The following DNAL1 variants were observed in gnomAD, a reference collection of about 807,000 sequenced individuals.
The protein encoded by DNAL1 is chromosome 14 open reading frame 168.
Under a neutral mutation model 29.4 loss-of-function variants are expected in DNAL1, and 17 were observed. That is an observed-to-expected ratio of 0.58 (90% confidence interval 0.40 to 0.87). The LOEUF (loss-of-function observed/expected upper bound fraction) is 0.87. DNAL1 is among the 40% of genes least tolerant of loss of function. DNAL1 has a pLI of 0.00. For synonymous variants in DNAL1, 78 were observed against 76.3 expected (o/e 1.02, Z -0.12); for missense variants, 188 against 214.1 (o/e 0.88, Z 0.76).
chr14:73,677,650 G>T (rs987401666), intron 5 of DNAL1, among the ~76,000 whole-genome samples: 3 of 149,960 alleles, frequency 2.0e-5, no homozygotes, highest in Non-Finnish European at 3.0e-5. Flanking sequence ...TCCGCCTCCC[G>T]GGTTCCCGCC....
In DNAL1 at chr14:73,675,211, A is replaced by AACAC. The variant is rs141910596; in HGVS notation, c.264+3632_264+3635dup. Among the ~76,000 whole-genome samples, 8 of 147,250 alleles carry AACAC rather than the reference A, an allele frequency of 5.4e-5. 1 individual carries two copies. The highest frequency in any genetic ancestry group is 4.3e-4 in the South Asian group (2 of 4,632). The stretch of plus-strand genomic sequence containing the variant: ...TCTCTCTCTCTCTCTCTCACACACA[A>AACAC]ACACACACACACACACACACAAATC... On this transcript the variant is annotated intron_variant, in intron 5 of 7. Transcript: ENST00000553645.
chr14:73,651,110 A>G (rs1891104236), intron 1 of DNAL1: 1 of 152,112 alleles, frequency 6.6e-6, no homozygotes, highest in Non-Finnish European at 1.5e-5. Flanking sequence ...GGTTCAATAA[A>G]CACCATTGGC....
chr14:73,679,733 G>A (rs1219040663), intron 5 of DNAL1, among the ~76,000 whole-genome samples: 2 of 151,874 alleles, frequency 1.3e-5, no homozygotes, highest in Non-Finnish European at 2.9e-5. Flanking sequence ...AATCTTTATG[G>A]TTTCAGTGTT....
rs1364370736 is a variant in DNAL1, at chr14:73,690,450, C to T, written c.532+935C>T. 4.6e-5 allele frequency among the ~76,000 whole-genome samples: 7 copies of T among 151,924 alleles called. No individual in the cohort carries two copies. In the South Asian group the frequency reaches 6.2e-4, roughly 14 times the overall value. ...GGCAGATCACCTGAGGTTGGGAGTTCGAGACCAGCCTGACCAACATGGAGA... is the reference window on the plus strand; with the variant it reads ...GGCAGATCACCTGAGGTTGGGAGTTTGAGACCAGCCTGACCAACATGGAGA... On this transcript the variant is annotated intron_variant, in intron 7 of 7. Coordinates refer to ENST00000553645, the MANE Select transcript of DNAL1 (RefSeq NM_031427.4).
chr14:73,671,089 A>C (rs8011667), intron 4 of DNAL1, among the ~76,000 whole-genome samples: 125,913 of 152,106 alleles, frequency 0.83, 52,900 homozygotes, highest in African/African-American at 0.96. Flanking sequence ...AACTTGAAAG[A>C]AAATGATTTT....
chr14:73,689,111 G>A (rs1892099107), intron 6 of DNAL1, among the ~76,000 whole-genome samples: 1 of 132,478 alleles, frequency 7.5e-6, no homozygotes, highest in African/African-American at 2.9e-5. Context: ...TCTGCTCACT[G>A]CAACCTCCGT....
chr14:73,646,178 G>T (rs1024867053), intron 1 of DNAL1, among the ~76,000 whole-genome samples: 1 of 152,198 alleles, frequency 6.6e-6, no homozygotes, highest in Non-Finnish European at 1.5e-5. Flanking sequence ...GGTGAAGAAA[G>T]GCTCAGACCT....
At chr14:73,653,033 T>C (rs1055222660) in intron 1 of DNAL1, 1 of 152,148 alleles carries the variant, frequency 6.6e-6, no homozygotes, top group Non-Finnish European at 1.5e-5. Context: ...CATCCTTAGG[T>C]ATAGAAGGAA....
chr14:73,671,490 A>G, intron 4 of DNAL1, 52 bp from the exon 5 acceptor site: 1 of 1,372,972 alleles, frequency 7.3e-7, no homozygotes, highest in Non-Finnish European at 9.6e-7. Flanking sequence ...GATTTACAAC[A>G]ATTGTGTAAT....
chr14:73,689,441 AAG>A lies in DNAL1; in HGVS notation c.462_463del (p.Lys155ThrfsTer4). On this transcript the variant is annotated frameshift_variant, in exon 7 of 8. Coordinates refer to ENST00000553645, the MANE Select transcript of DNAL1 (RefSeq NM_031427.4). LOFTEE classifies it high-confidence loss of function. ...CTGGTGTTTGTAGGCAATCCCTTGG[AAG>A]AGAAACATTCTGCTGAGAATAACTG... 1 of 1,563,142 alleles carries A rather than the reference AAG, an allele frequency of 6.4e-7. No individual in the cohort carries two copies. Among genetic ancestry groups the A allele is most frequent in the Non-Finnish European group, 8.7e-7 (1 of 1,153,378 alleles).
At chr14:73,669,379 C>T (rs1309947720) in intron 4 of DNAL1, among the ~76,000 whole-genome samples, 2 of 151,980 alleles carry the variant, frequency 1.3e-5, no homozygotes, top group Non-Finnish European at 2.9e-5. Flanking sequence ...CGGGTTCAAG[C>T]GATTCTCCTG....
chr14:73,683,718 C>T (rs942193649), intron 5 of DNAL1, among the ~76,000 whole-genome samples: 1 of 136,716 alleles, frequency 7.3e-6, no homozygotes, highest in African/African-American at 2.9e-5. Context: ...TATTATTATT[C>T]TTTTGAGAAT....
At chr14:73,646,046 G>A (rs1481174565) in intron 1 of DNAL1, among the ~76,000 whole-genome samples, 1 of 152,186 alleles carries the variant, frequency 6.6e-6, no homozygotes, top group East Asian at 1.9e-4. Context: ...CCCTCAACAA[G>A]ATGAAATACC....
At chr14:73,660,678 T>C (rs1474295958) in intron 3 of DNAL1, among the ~76,000 whole-genome samples, 1 of 152,218 alleles carries the variant, frequency 6.6e-6, no homozygotes, top group African/African-American at 2.4e-5. Flanking sequence ...TGTACGCAGC[T>C]TGTTCTTTGT....
At chr14:73,681,387 G>A (rs563803660) in intron 5 of DNAL1, among the ~76,000 whole-genome samples, 189 of 150,798 alleles carry the variant, frequency 1.3e-3, no homozygotes, top group Non-Finnish European at 2.2e-3. Context: ...CACCCGATTC[G>A]GCCTCCCAAA....
rs2077652035 is a variant in DNAL1 at position 73,697,968 on chromosome 14, A to T, written c.*2026A>T. ...CTGAGAGGGAAGATGATCTTCTTAA[A>T]GTTTGCACTTCCTTCAGTAGGCAAG... On this transcript the variant is annotated 3_prime_UTR_variant, in exon 8 of 8. Transcript: ENST00000553645. 1 of 152,194 alleles carries T rather than the reference A, an allele frequency of 6.6e-6. No homozygotes were observed. The highest frequency in any genetic ancestry group is 1.5e-5 in the Non-Finnish European group (1 of 68,040). 9.4% of individuals were successfully genotyped at this position (152,194 alleles called of 1,614,324 possible).
At position 73,702,691 on chromosome 14, in the gene DNAL1, C is replaced by T. The variant is rs1892465559; in HGVS notation, c.*6749C>T. 6.6e-6 allele frequency: 1 copy of T among 152,190 alleles called. No homozygotes were observed. Among genetic ancestry groups the T allele is most frequent in the East Asian group, 1.9e-4 (1 of 5,202 alleles). The allele number at this position is 152,190 out of a possible 1,614,324, so 9.4% of individuals were successfully genotyped here. A position where few individuals can be genotyped will look rare whatever the true frequency, so the allele number is the denominator to read the frequency against. The stretch of plus-strand genomic sequence containing the variant: ...AGGAATCACCAAGCAATATCCGTAA[C>T]ATTACACATTTTGCCAGCACATTTT... On this transcript the variant is annotated 3_prime_UTR_variant, in exon 8 of 8. Coordinates refer to ENST00000553645, the MANE Select transcript of DNAL1 (RefSeq NM_031427.4).
chr14:73,695,623 G>A (rs1432638439), intron 7 of DNAL1, among the ~76,000 whole-genome samples: 4 of 151,892 alleles, frequency 2.6e-5, no homozygotes, highest in Admixed American at 2.0e-4. Context: ...TCTGCCTCCC[G>A]GGTTCAAGCG....
chr14:73,691,658 A>C (rs879262822), intron 7 of DNAL1, among the ~76,000 whole-genome samples: 5 of 151,794 alleles, frequency 3.3e-5, no homozygotes, highest in Non-Finnish European at 7.4e-5. Flanking sequence ...TTTGAACACT[A>C]CCTCCCCAAT....
Sources: allele counts gnomAD v4.1 joint callset (sites outside exome capture counted in the v4.1 genomes callset), GRCh38; gene constraint gnomAD v4.1.1; transcripts MANE v1.5; gene names NCBI Gene and HGNC (gene_info 2026-07-23, HGNC 2026-07-21).